DHX34: variants seen among roughly 807,000 people sequenced by gnomAD.
DHX34 encodes the protein probable ATP-dependent RNA helicase DHX34.
Under a neutral mutation model 111.1 loss-of-function variants are expected in DHX34, and 96 were observed. That is an observed-to-expected ratio of 0.86 (90% CI 0.73 to 1.02). The LOEUF is 1.02. DHX34 is among the 50% of genes least tolerant of loss of function. DHX34 has a pLI of 0.00. For synonymous variants in DHX34, 688 were observed against 670.4 expected (o/e 1.03, Z -0.41); for missense variants, 1,560 against 1,579.9 (o/e 0.99, Z 0.21).
rs369014615 is a variant in DHX34, at chr19:47,357,901, G to A, written c.1053G>A (p.Thr351=). The A allele has an allele frequency of 1.4e-4, 219 of 1,613,944 alleles. 1 individual carries two copies. In the South Asian group the frequency reaches 1.5e-3, roughly 11 times the overall value. Residue 351 remains threonine (T), a synonymous_variant, in exon 4 of 17, where the codon ACG becomes ACA. Transcript: ENST00000328771. Reference sequence around the variant, plus strand: ...AGCCGCAGGAGGCGGAGCCGACCACGTCCAAGTCAGAGAAGCTGGACCCGC... The same window carrying A: ...AGCCGCAGGAGGCGGAGCCGACCACATCCAAGTCAGAGAAGCTGGACCCGC... ...VYQPQEAEPT[T]SKSEKLDPRP...
chr19:47,380,600 G>T, intron 14 of DHX34: 1 of 984,210 alleles, frequency 1.0e-6, no homozygotes, highest in Non-Finnish European at 1.2e-6. Flanking sequence ...CAGAAGAGGG[G>T]CCTGGGGAGG....
chr19:47,356,281 C>G (rs1969454613), intron 3 of DHX34, among the ~76,000 whole-genome samples: 1 of 152,132 alleles, frequency 6.6e-6, no homozygotes, highest in Non-Finnish European at 1.5e-5. Context: ...ACTTCATTGT[C>G]TCTTGTGATT....
At chr19:47,380,707 C>T (rs1174479573) in intron 14 of DHX34, 109 bp from the exon 15 acceptor site, 4 of 1,520,070 alleles carry the variant, frequency 2.6e-6, no homozygotes, top group South Asian at 2.6e-5. Context: ...GCACTTGGCT[C>T]CCGTAACTGC....
chr19:47,355,315 G>C lies in DHX34; in HGVS notation c.982G>C (p.Val328Leu). The C allele has an allele frequency of 6.2e-7, 1 of 1,613,810 alleles. No homozygotes were observed. The highest frequency in any genetic ancestry group is 8.5e-7 in the Non-Finnish European group (1 of 1,179,720). The change falls in exon 3 of 17, where the codon GTG becomes CTG. Residue 328 changes from valine (V) to leucine (L), a missense_variant. Coordinates refer to ENST00000328771, the MANE Select transcript of DHX34 (RefSeq NM_014681.6). ...LFSSYFSNAPVVQVPGRLFPI... is the reference protein window; with the variant it reads ...LFSSYFSNAPLVQVPGRLFPI... ...CTCCAGCTATTTCAGCAATGCCCCTGTGGTACAGGTGCCTGGGAGGCTGTT... is the reference window on the plus strand; with the variant it reads ...CTCCAGCTATTTCAGCAATGCCCCTCTGGTACAGGTGCCTGGGAGGCTGTT...
rs547039961 is a variant in DHX34 at position 47,370,959 on chromosome 19, C to A, written c.1769-1771C>A. 5.3e-5 allele frequency among the ~76,000 whole-genome samples: 8 copies of A among 152,342 alleles called. No homozygotes were observed. In the South Asian group the frequency reaches 1.7e-3, roughly 32 times the overall value. On this transcript the variant is annotated intron_variant, in intron 7 of 16. Coordinates refer to ENST00000328771, the MANE Select transcript of DHX34 (RefSeq NM_014681.6). Reference sequence around the variant, plus strand: ...TAAGTGCTGGGATTACAGGCGTGAGCCCCTGCGCCCGGCTTCATTTTTGTT... The same window carrying A: ...TAAGTGCTGGGATTACAGGCGTGAGACCCTGCGCCCGGCTTCATTTTTGTT...
chr19:47,352,965 TG>T lies in DHX34; in HGVS notation c.-62del, dbSNP rs1454793745. ...CACTGGCCTCTTAAATTGTTGCAGG[TG>T]GGGAATGGATGAGAATATTTGTTTT... On this transcript the variant is annotated 5_prime_UTR_variant, in exon 2 of 17. Coordinates refer to ENST00000328771, the MANE Select transcript of DHX34 (RefSeq NM_014681.6). 3 of 1,522,432 alleles carry T rather than the reference TG, an allele frequency of 2.0e-6. No homozygotes were observed. The Admixed American group carries it at 6.6e-5, about 34-fold the overall frequency. The allele number at this position is 1,522,432 out of a possible 1,614,324, so 94.3% of individuals were successfully genotyped here. A position where few individuals can be genotyped will look rare whatever the true frequency, so the allele number is the denominator to read the frequency against.
rs1204305290 is a variant in DHX34 at position 47,382,679 on chromosome 19, AAAAT to A, written c.*570_*573del. The A allele has an allele frequency of 1.3e-5, 2 of 152,554 alleles. No homozygotes were observed. The highest frequency in any genetic ancestry group is 2.9e-5 in the Non-Finnish European group (2 of 68,152). The allele number at this position is 152,554 out of a possible 1,614,324, so 9.5% of individuals were successfully genotyped here. A position where few individuals can be genotyped will look rare whatever the true frequency, so the allele number is the denominator to read the frequency against. Reference sequence around the variant, plus strand: ...CATGGTTGCTCACTCCCGTAATAAAAAAATAAAAGAACAGGCTGAGCCGGGCATG... The same window carrying A: ...CATGGTTGCTCACTCCCGTAATAAAAAAAAGAACAGGCTGAGCCGGGCATG... On this transcript the variant is annotated 3_prime_UTR_variant, in exon 17 of 17. Coordinates refer to ENST00000328771, the MANE Select transcript of DHX34 (RefSeq NM_014681.6).
At position 47,373,661 on chromosome 19, in the gene DHX34, T is replaced by C. The variant is rs779791011; in HGVS notation, c.2025T>C (p.His675=). The change falls in exon 9 of 17, where the codon CAT becomes CAC. Residue 675 remains histidine (H), a synonymous_variant. Transcript: ENST00000328771. ...KWCRRRGIEE[H]RLYEMANLRR... is the part of the protein sequence containing the mutation. The stretch of plus-strand genomic sequence containing the variant: ...GCCGCCGCCGGGGCATAGAGGAGCA[T>C]CGACTGTACGAAATGGCCAACCTTC... 2 of 1,613,966 alleles carry C rather than the reference T, an allele frequency of 1.2e-6. No individual in the cohort carries two copies. The highest frequency in any genetic ancestry group is 2.2e-5 in the South Asian group (2 of 91,084).
intron 11 of DHX34, 105 bp from the exon 12 acceptor site, chr19:47,376,338 G>A (rs1970155344): frequency 6.5e-7 from 1 of 1,539,188 alleles, no homozygotes; most frequent in Admixed American, 2.0e-5. Context: ...GAGTCAGGGA[G>A]GGCTTCCTGG....
intron 16 of DHX34, 31 bp downstream of exon 16, chr19:47,381,355 CTCTGCCCAGCCG>C (rs1239470562): frequency 1.9e-6 from 3 of 1,596,914 alleles, no homozygotes; most frequent in African/African-American, 2.7e-5. Context: ...ACCCGGCCAC[CTCTGCCCAGCCG>C]TCTGCCCATC....
chr19:47,368,993 T>C (rs961771266), intron 7 of DHX34, among the ~76,000 whole-genome samples: 3 of 152,170 alleles, frequency 2.0e-5, no homozygotes, highest in African/African-American at 4.8e-5. Flanking sequence ...TTCTCCTGCC[T>C]CAGCTTCATG....
chr19:47,380,604 G>A (rs1599780077), intron 14 of DHX34: 2 of 984,932 alleles, frequency 2.0e-6, no homozygotes, highest in Non-Finnish European at 2.4e-6. Context: ...AGAGGGGCCT[G>A]GGGAGGGCAA....
At chr19:47,370,722 G>T (rs2033625002) in intron 7 of DHX34, among the ~76,000 whole-genome samples, 1 of 152,160 alleles carries the variant, frequency 6.6e-6, no homozygotes, top group South Asian at 2.1e-4. Context: ...TGTCCTCCAG[G>T]CTGGAGTGCA....
Position 47,377,080 on chromosome 19 carries a change from G to T in DHX34, c.2600-20G>T, listed in dbSNP as rs748858620. 2 of 1,613,682 alleles carry T rather than the reference G, an allele frequency of 1.2e-6. No individual in the cohort carries two copies. Among genetic ancestry groups the T allele is most frequent in the South Asian group, 1.1e-5 (1 of 91,068 alleles). On this transcript the variant is annotated intron_variant, in intron 12 of 16. Transcript: ENST00000328771. ...TGGGTGGGCCAGGGTGGGCCTGAGC[G>T]GTCCTCCTCAACCTTTCAGACGACA...
Position 47,355,227 on chromosome 19 carries a change from G to T in DHX34, c.894G>T (p.Leu298=). The change falls in exon 3 of 17, where the codon CTG becomes CTT. Residue 298 remains leucine, a synonymous_variant. Transcript: ENST00000328771. ...TCCTCCTGGGCGTCCTCCAGCGCCT[G>T]TTGCCCACGCGGCCTGACCTCAAGG... ...NDFLLGVLQR[L]LPTRPDLKVI... 3 of 1,614,178 alleles carry T rather than the reference G, an allele frequency of 1.9e-6. No individual in the cohort carries two copies. Among genetic ancestry groups the T allele is most frequent in the South Asian group, 2.2e-5 (2 of 91,084 alleles).
intron 7 of DHX34, among the ~76,000 whole-genome samples, chr19:47,367,924 A>G (rs1969842811): frequency 8.0e-6 from 1 of 124,884 alleles, no homozygotes; most frequent in Admixed American, 8.1e-5. Context: ...AAGCAAAAAC[A>G]AACAGGTGAG....
chr19:47,376,627 C>G (rs560511377), intron 12 of DHX34, 67 bp downstream of exon 12: 1 of 1,522,622 alleles, frequency 6.6e-7, no homozygotes, highest in East Asian at 2.5e-5. Flanking sequence ...CGTGAACTCC[C>G]AGGCCCCTCT....
intron 13 of DHX34, among the ~76,000 whole-genome samples, chr19:47,378,090 C>T (rs959124048): frequency 1.1e-4 from 17 of 152,246 alleles, no homozygotes; most frequent in South Asian, 2.1e-4. Flanking sequence ...GTCACACTGC[C>T]CCCTCCTGCC....
chr19:47,362,743 GGAAC>G (rs751302835), intron 6 of DHX34, 50 bp downstream of exon 6: 1 of 1,501,224 alleles, frequency 6.7e-7, no homozygotes, highest in Non-Finnish European at 8.9e-7. Flanking sequence ...GGCACAGGGA[GGAAC>G]CTGGGAGGCC....
Sources: allele counts gnomAD v4.1 joint callset (sites outside exome capture counted in the v4.1 genomes callset), GRCh38; gene constraint gnomAD v4.1.1; transcripts MANE v1.5; gene names NCBI Gene and HGNC (gene_info 2026-07-23, HGNC 2026-07-21).